The following ISM2 variants were observed in gnomAD, a reference collection of about 807,000 sequenced individuals.
ISM2 encodes isthmin 2.
Under a neutral mutation model 58.0 loss-of-function variants are expected in ISM2, and 50 were observed. The observed-to-expected ratio is 0.86, with a 90% CI of 0.69 to 1.09. The LOEUF (loss-of-function observed/expected upper bound fraction) is 1.09, where lower values mean the gene tolerates loss of function less well. Ranked by LOEUF, ISM2 falls within the 50% of genes least tolerant of loss-of-function variation. The pLI is 0.00. For missense variants in ISM2, 723 were observed against 745.0 expected (o/e 0.97, Z 0.34); for synonymous variants, 303 against 312.4 (o/e 0.97, Z 0.32).
intron 1 of ISM2, among the ~76,000 whole-genome samples, chr14:77,485,785 C>T (rs781603138): frequency 1.3e-5 from 2 of 152,226 alleles, no homozygotes; most frequent in Non-Finnish European, 2.9e-5. Context: ...TCAGGCCACA[C>T]CCTTGCCACC....
At chr14:77,482,831 A>G in intron 3 of ISM2, 164 bp from the exon 4 acceptor site, 2 of 548,680 alleles carry the variant, frequency 3.6e-6, no homozygotes, top group Non-Finnish European at 6.4e-6. Flanking sequence ...CTGGCCTCTT[A>G]GGGCACAAGA....
chr14:77,497,047 A>C (rs970962551), intron 1 of ISM2, among the ~76,000 whole-genome samples: 2 of 151,250 alleles, frequency 1.3e-5, no homozygotes, highest in African/African-American at 4.9e-5. Flanking sequence ...CTGCATGCCT[A>C]TATGGACCCT....
chr14:77,482,686 G>A lies in ISM2; in HGVS notation c.628-19C>T, dbSNP rs953371188. On this transcript the variant is annotated intron_variant, in intron 3 of 6. Transcript: ENST00000342219. ...TGGTCACCTGCAGGAGACAGGCCAG[G>A]CCGGCCAGTGAAGGAGGTCTTAGAG... The A allele has an allele frequency of 3.4e-6, 5 of 1,472,582 alleles. No individual in the cohort carries two copies. Among genetic ancestry groups the A allele is most frequent in the Admixed American group, 2.2e-5 (1 of 46,134 alleles). The allele number at this position is 1,472,582 out of a possible 1,614,324, so 91.2% of individuals were successfully genotyped here.
chr14:77,490,053 T>C (rs890772655), intron 1 of ISM2, among the ~76,000 whole-genome samples: 4 of 152,134 alleles, frequency 2.6e-5, no homozygotes, highest in Admixed American at 6.5e-5. Context: ...TTAATAGAGA[T>C]GGGGTTTCAC....
chr14:77,489,032 TTCTC>T (rs148400275), intron 1 of ISM2, among the ~76,000 whole-genome samples: 10 of 151,670 alleles, frequency 6.6e-5, no homozygotes, highest in Admixed American at 6.6e-4. Flanking sequence ...TCTTTACCAG[TTCTC>T]TCTCTCTCTC....
rs548803450 is a variant in ISM2 at position 77,475,925 on chromosome 14, G to A, written c.1386C>T (p.Arg462=). The change falls in exon 7 of 7, where the codon CGC becomes CGT. Residue 462 remains arginine (R), a synonymous_variant. Coordinates refer to ENST00000342219, the MANE Select transcript of ISM2 (RefSeq NM_199296.3). The surrounding 1 kb of genome is among the most constrained non-coding windows in gnomAD (Gnocchi z 4.1). The stretch of plus-strand genomic sequence containing the variant: ...TGGGCTGGTAGATGTCCAGGCGCTC[G>A]CGAGGGCCACTGGCATCCCTCCACC... The part of the protein sequence containing the change: ...SFRWRDASGP[R]ERLDIYQPTA... The A allele has an allele frequency of 1.5e-5, 24 of 1,599,990 alleles. No individual in the cohort carries two copies. Among genetic ancestry groups the A allele is most frequent in the African/African-American group, 9.3e-5 (7 of 74,932 alleles).
At chr14:77,488,418 A>G (rs2079181155) in intron 1 of ISM2, among the ~76,000 whole-genome samples, 1 of 152,198 alleles carries the variant, frequency 6.6e-6, no homozygotes, top group Non-Finnish European at 1.5e-5. Flanking sequence ...GTGTGGACAG[A>G]CACTGGTGAC....
At chr14:77,478,378 G>A (rs2079111166) in intron 5 of ISM2, 53 bp from the exon 6 acceptor site, 7 of 1,524,962 alleles carry the variant, frequency 4.6e-6, no homozygotes, top group South Asian at 2.3e-5. Context: ...CCTCAGTGCC[G>A]CTGATGGGGA....
intron 1 of ISM2, among the ~76,000 whole-genome samples, chr14:77,495,445 C>T (rs2079233210): frequency 6.6e-6 from 1 of 152,198 alleles, no homozygotes; most frequent in Non-Finnish European, 1.5e-5. Flanking sequence ...AATTACAATA[C>T]AAAGCAGTAA....
At chr14:77,489,319 G>A (rs765195264) in intron 1 of ISM2, among the ~76,000 whole-genome samples, 14 of 152,182 alleles carry the variant, frequency 9.2e-5, no homozygotes, top group Non-Finnish European at 2.1e-4. Flanking sequence ...GAGCCAGGCT[G>A]CACACTAAGT....
chr14:77,498,499 T>C (rs2079262366), intron 1 of ISM2, 154 bp downstream of exon 1: 3 of 1,235,568 alleles, frequency 2.4e-6, no homozygotes, highest in Non-Finnish European at 3.4e-6. Flanking sequence ...CAACGCCCGG[T>C]GTCCGGGAGC....
At position 77,482,529 on chromosome 14, in the gene ISM2, C is replaced by T; in HGVS notation, c.766G>A (p.Glu256Lys). ...WSFLWGDYKG[E>K]EKDRAPGEKG... ...TCCCCTGGGGCCCTGTCTTTTTCCT[C>T]TCCTTTGTAGTCTCCCCAGAGGAAG... Residue 256 changes from glutamate (E) to lysine (K), a missense_variant, in exon 4 of 7, where the codon GAG becomes AAG. Glu to Lys is a moderately conservative substitution (Grantham distance 56). Coordinates refer to ENST00000342219, the MANE Select transcript of ISM2 (RefSeq NM_199296.3). The T allele has an allele frequency of 1.2e-6, 2 of 1,614,180 alleles. No homozygotes were observed. The highest frequency in any genetic ancestry group is 1.7e-6 in the Non-Finnish European group (2 of 1,180,018).
intron 1 of ISM2, chr14:77,498,439 C>CTCGG: frequency 8.2e-7 from 1 of 1,214,198 alleles, no homozygotes; most frequent in Non-Finnish European, 1.1e-6. Flanking sequence ...GGCAGCCCGG[C>CTCGG]TCGCGGTCAC....
At chr14:77,487,656 A>G (rs1419190776) in intron 1 of ISM2, among the ~76,000 whole-genome samples, 1 of 152,122 alleles carries the variant, frequency 6.6e-6, no homozygotes, top group Admixed American at 6.6e-5. Flanking sequence ...GAGTGGAAAG[A>G]GATGTGGGGA....
chr14:77,492,547 T>G, intron 1 of ISM2, among the ~76,000 whole-genome samples: 1 of 136,334 alleles, frequency 7.3e-6, no homozygotes, highest in Non-Finnish European at 1.5e-5. Flanking sequence ...CAAGACAGGG[T>G]CTTGCTCTGT....
At chr14:77,493,762 G>T (rs534552649) in intron 1 of ISM2, among the ~76,000 whole-genome samples, 1 of 148,130 alleles carries the variant, frequency 6.8e-6, no homozygotes, top group African/African-American at 2.5e-5. Context: ...GCGGCCAGCC[G>T]AATGATTCTT....
intron 1 of ISM2, among the ~76,000 whole-genome samples, chr14:77,486,806 A>C (rs184041887): frequency 2.0e-5 from 3 of 151,054 alleles, no homozygotes; most frequent in African/African-American, 7.3e-5. Flanking sequence ...TGCCTGGAGA[A>C]ATTTGTGATT....
Position 77,478,648 on chromosome 14 carries a change from C to A in ISM2, c.1041G>T (p.Gln347His), listed in dbSNP as rs777851932. 1 of 1,613,996 alleles carries A rather than the reference C, an allele frequency of 6.2e-7. No homozygotes were observed. The highest frequency in any genetic ancestry group is 2.2e-5 in the East Asian group (1 of 44,876). The change falls in exon 5 of 7, where the codon CAG becomes CAT. Residue 347 changes from glutamine to histidine, a missense_variant. Gln to His is a conservative substitution (Grantham distance 24). Coordinates refer to ENST00000342219, the MANE Select transcript of ISM2 (RefSeq NM_199296.3). ...PCSGNCSTGKQQRTRPCGYGC... is the reference protein window; with the variant it reads ...PCSGNCSTGKHQRTRPCGYGC... ...CATAGCCACAGGGCCGAGTCCTCTG[C>A]TGCTTGCCAGTGCTGCAGTTCCCAC...
chr14:77,492,504 A>T (rs1266545820), intron 1 of ISM2, among the ~76,000 whole-genome samples: 2 of 146,532 alleles, frequency 1.4e-5, no homozygotes, highest in East Asian at 4.1e-4. Context: ...CACTCAACAA[A>T]CTGGCCCCAG....
Sources: allele counts gnomAD v4.1 joint callset (sites outside exome capture counted in the v4.1 genomes callset), GRCh38; gene constraint gnomAD v4.1.1; non-coding constraint Gnocchi (gnomAD v3.1); transcripts MANE v1.5; gene names NCBI Gene and HGNC (gene_info 2026-07-23, HGNC 2026-07-21).